Variants in C4orf36 observed in about 807,000 individuals in gnomAD.
The protein encoded by C4orf36 is uncharacterized protein C4orf36.
Under a neutral mutation model 12.2 loss-of-function variants are expected in C4orf36, and 11 were observed. That is an observed-to-expected ratio of 0.90 (90% confidence interval 0.57 to 1.49). The LOEUF (loss-of-function observed/expected upper bound fraction) is 1.49. Ranked by LOEUF, C4orf36 falls within the 40% of genes most tolerant of loss-of-function variation. The pLI is 0.00. For missense variants in C4orf36, 137 were observed against 133.9 expected, an observed-to-expected ratio of 1.02 and a Z score of -0.11; for synonymous variants, 54 against 51.3, an observed-to-expected ratio of 1.05 and a Z score of -0.22.
chr4:86,906,158 C>T, the C4orf36 span, among the ~76,000 whole-genome samples: 22 of 152,198 alleles, frequency 1.4e-4, no homozygotes, highest in Admixed American at 1.0e-3. Flanking sequence ...AGCCATTTCC[C>T]GGGATATGCT....
At chr4:86,894,021 C>G (rs1307838545), upstream of C4orf36, among the ~76,000 whole-genome samples, 2 of 130,466 alleles carry the variant, frequency 1.5e-5, no homozygotes, top group African/African-American at 5.3e-5. Flanking sequence ...CTCAGCCTCT[C>G]GAGTAGCTGG....
At chr4:86,886,455 T>C (rs1237533227) in intron 4 of C4orf36, 3 of 152,114 alleles carry the variant, frequency 2.0e-5, no homozygotes, top group East Asian at 3.9e-4. Flanking sequence ...GGGCAAAGGA[T>C]ATGAACAGAC....
At chr4:86,901,693 G>A in the C4orf36 span, among the ~76,000 whole-genome samples, 1 of 152,028 alleles carries the variant, frequency 6.6e-6, no homozygotes, top group Non-Finnish European at 1.5e-5. Context: ...TTACAGGCGT[G>A]AGCAACCGCG....
the C4orf36 span, among the ~76,000 whole-genome samples, chr4:86,923,087 CTTTT>C: frequency 4.5e-5 from 6 of 134,772 alleles, no homozygotes; most frequent in African/African-American, 1.4e-4. Flanking sequence ...ATCCAGCTGC[CTTTT>C]TTTTTTTTTT....
At chr4:86,923,860 A>G in the C4orf36 span, among the ~76,000 whole-genome samples, 1 of 152,048 alleles carries the variant, frequency 6.6e-6, no homozygotes, top group Non-Finnish European at 1.5e-5. Flanking sequence ...TCCCTATTTT[A>G]AAGTTGTCAA....
At chr4:86,904,213 A>T in the C4orf36 span, among the ~76,000 whole-genome samples, 1 of 152,164 alleles carries the variant, frequency 6.6e-6, no homozygotes, top group Admixed American at 6.5e-5. Context: ...GTGCGGGGCC[A>T]GCCGAGCCTG....
At chr4:86,902,493 C>A in the C4orf36 span, among the ~76,000 whole-genome samples, 4 of 150,558 alleles carry the variant, frequency 2.7e-5, no homozygotes, top group African/African-American at 9.8e-5. Context: ...TCAGAGCCTC[C>A]AAAAAAGCAC....
the C4orf36 span, among the ~76,000 whole-genome samples, chr4:86,904,574 C>G: frequency 2.3e-5 from 2 of 86,582 alleles, no homozygotes; most frequent in South Asian, 9.0e-4. Flanking sequence ...GAGCAAGACT[C>G]TGTCTCAAAA....
chr4:86,892,299 G>A lies in C4orf36; in HGVS notation c.-190C>T, dbSNP rs1747453518. The A allele has an allele frequency of 1.9e-5, 19 of 985,628 alleles. No homozygotes were observed. The highest frequency in any genetic ancestry group is 2.3e-5 in the Non-Finnish European group (19 of 830,182). 61.1% of individuals were successfully genotyped at this position (985,628 alleles called of 1,614,324 possible). On this transcript the variant is annotated 5_prime_UTR_variant, in exon 1 of 5. Transcript: ENST00000295898. ...CTGGTTACCCGGGCTCCAGGGGCTCGGAGGGTCGCGGCCGGGGTACTGAGG... is the reference window on the plus strand; with the variant it reads ...CTGGTTACCCGGGCTCCAGGGGCTCAGAGGGTCGCGGCCGGGGTACTGAGG...
chr4:86,905,954 C>T, the C4orf36 span, among the ~76,000 whole-genome samples: 1 of 152,130 alleles, frequency 6.6e-6, no homozygotes, highest in African/African-American at 2.4e-5. Context: ...CTCCTGACCT[C>T]AAGTTATCCA....
At chr4:86,914,391 C>CTTTTT in the C4orf36 span, 152 of 327,728 alleles carry the variant, frequency 4.6e-4, 1 homozygote, top group African/African-American at 6.3e-4. Context: ...CTTCTTCTTC[C>CTTTTT]TTTTTTTTTT....
the C4orf36 span, among the ~76,000 whole-genome samples, chr4:86,900,384 T>C: frequency 2.6e-5 from 4 of 152,104 alleles, no homozygotes; most frequent in Non-Finnish European, 5.9e-5. Context: ...GTATCCCTGG[T>C]CCCCAAAATT....
chr4:86,930,307 ACT>A, the C4orf36 span, among the ~76,000 whole-genome samples: 1 of 152,256 alleles, frequency 6.6e-6, no homozygotes, highest in South Asian at 2.1e-4. Context: ...TGAATTTCAC[ACT>A]GATAGACACT....
the C4orf36 span, among the ~76,000 whole-genome samples, chr4:86,905,588 G>A: frequency 1.3e-5 from 2 of 152,044 alleles, no homozygotes; most frequent in Non-Finnish European, 2.9e-5. Context: ...GGTATGAAAT[G>A]TTAGACAGAG....
At chr4:86,888,396 G>A (rs917615803) in intron 2 of C4orf36, 121 bp from the exon 3 acceptor site, 2 of 878,942 alleles carry the variant, frequency 2.3e-6, no homozygotes, top group African/African-American at 3.4e-5. Flanking sequence ...ATGGGTGGAG[G>A]GGGAGATGTT....
chr4:86,902,422 A>C, the C4orf36 span, among the ~76,000 whole-genome samples: 1 of 113,168 alleles, frequency 8.8e-6, no homozygotes. Context: ...GACTCTCAAA[A>C]AAAAAAAAAA....
chr4:86,890,424 T>C (rs2149423464), intron 2 of C4orf36, among the ~76,000 whole-genome samples: 1 of 151,994 alleles, frequency 6.6e-6, no homozygotes, highest in South Asian at 2.1e-4. Flanking sequence ...GACATATGTG[T>C]GTGTATACAT....
At chr4:86,887,536 TTCATCTACTTAC>T in intron 4 of C4orf36, 1 of 425,210 alleles carries the variant, frequency 2.4e-6, no homozygotes, top group Non-Finnish European at 4.1e-6. Flanking sequence ...CAAATGCATT[TTCATCTACTTAC>T]AGTGCTGTCG....
At chr4:86,919,924 G>A in the C4orf36 span, among the ~76,000 whole-genome samples, 1 of 152,072 alleles carries the variant, frequency 6.6e-6, no homozygotes, top group Non-Finnish European at 1.5e-5. Context: ...AGCTACTCAG[G>A]AGGCTGAGCT....
Sources: gnomAD v4.1 joint callset for allele counts (sites outside exome capture counted in the v4.1 genomes callset) on GRCh38, gnomAD v4.1.1 for gene constraint, MANE v1.5 for transcripts, NCBI Gene and HGNC (gene_info 2026-07-23, HGNC 2026-07-21) for gene names.